ITGA6: variants seen among roughly 807,000 people sequenced by gnomAD.
The protein encoded by ITGA6 is integrin subunit alpha 6.
Under a neutral mutation model 133.6 loss-of-function variants are expected in ITGA6, and 63 were observed. The ratio of observed to expected loss-of-function variants is 0.47; its 90% CI spans 0.38 to 0.58. ITGA6 has a LOEUF of 0.58. ITGA6 is among the 20% of genes least tolerant of loss of function. The pLI, the probability that ITGA6 is intolerant of heterozygous loss-of-function variation, is 0.00. For synonymous variants in ITGA6, 434 were observed against 482.0 expected (o/e 0.90, Z 1.30); for missense variants, 1,068 against 1,309.4 (o/e 0.82, Z 2.85).
intron 1 of ITGA6, among the ~76,000 whole-genome samples, chr2:172,445,882 C>T (rs1684748919): frequency 6.6e-6 from 1 of 152,186 alleles, no homozygotes; most frequent in Non-Finnish European, 1.5e-5. Flanking sequence ...GCCAAAGGCA[C>T]ATGCATGCCA....
At chr2:172,436,946 A>T (rs1001295982) in intron 1 of ITGA6, among the ~76,000 whole-genome samples, 1 of 152,192 alleles carries the variant, frequency 6.6e-6, no homozygotes, top group Admixed American at 6.5e-5. Flanking sequence ...AAAAATATAA[A>T]GTAGAGAGGG....
chr2:172,497,344 A>C (rs1428575131), intron 23 of ITGA6, among the ~76,000 whole-genome samples: 1 of 152,040 alleles, frequency 6.6e-6, no homozygotes, highest in African/African-American at 2.4e-5. Flanking sequence ...AAATTTTTAA[A>C]AAAATTAGCT....
chr2:172,465,989 ATCT>A, intron 2 of ITGA6: 1 of 410,758 alleles, frequency 2.4e-6, no homozygotes, highest in Non-Finnish European at 4.6e-6. Context: ...GAATGAGCGT[ATCT>A]TGTATTCATC....
At chr2:172,450,300 G>C (rs1485244854) in intron 1 of ITGA6, among the ~76,000 whole-genome samples, 1 of 152,220 alleles carries the variant, frequency 6.6e-6, no homozygotes, top group African/African-American at 2.4e-5. Flanking sequence ...AGATGTGGAG[G>C]ACGGGCTCGG....
intron 11 of ITGA6, among the ~76,000 whole-genome samples, chr2:172,483,089 C>T (rs1359975041): frequency 5.3e-5 from 8 of 152,128 alleles, no homozygotes; most frequent in Admixed American, 4.6e-4. Flanking sequence ...ATGGAATACT[C>T]TAGGATCGCG....
chr2:172,489,702 GAGAAA>G, intron 20 of ITGA6, 44 bp downstream of exon 20: 1 of 1,526,316 alleles, frequency 6.6e-7, no homozygotes, highest in Non-Finnish European at 9.1e-7. Flanking sequence ...ATGCAAATTA[GAGAAA>G]CTAACTTGTT....
intron 9 of ITGA6, among the ~76,000 whole-genome samples, chr2:172,477,239 C>T (rs1005203788): frequency 3.3e-5 from 5 of 152,098 alleles, no homozygotes; most frequent in Non-Finnish European, 5.9e-5. Context: ...GATTCGGTTT[C>T]GCCAAGATGA....
chr2:172,473,682 T>C (rs947755746), intron 5 of ITGA6, among the ~76,000 whole-genome samples: 2 of 152,246 alleles, frequency 1.3e-5, no homozygotes, highest in Non-Finnish European at 2.9e-5. Context: ...GTGTATATGA[T>C]GTAACATAAC....
chr2:172,435,768 C>T (rs1488161120), intron 1 of ITGA6, among the ~76,000 whole-genome samples: 1 of 151,836 alleles, frequency 6.6e-6, no homozygotes, highest in East Asian at 1.9e-4. Context: ...GCTGGGACTG[C>T]AAGTGTGCAG....
intron 1 of ITGA6, among the ~76,000 whole-genome samples, chr2:172,436,399 G>C (rs1176722419): frequency 1.3e-5 from 2 of 152,186 alleles, no homozygotes; most frequent in Non-Finnish European, 2.9e-5. Context: ...TTTAGAAAGG[G>C]CTGCTACAGA....
At chr2:172,464,778 T>C (rs1413222071) in intron 1 of ITGA6, among the ~76,000 whole-genome samples, 1 of 152,170 alleles carries the variant, frequency 6.6e-6, no homozygotes, top group Admixed American at 6.5e-5. Flanking sequence ...ACACCAGTTG[T>C]CCCTGAATCC....
At chr2:172,480,998 A>G (rs1311997678) in intron 11 of ITGA6, 1 of 152,194 alleles carries the variant, frequency 6.6e-6, no homozygotes, top group Admixed American at 6.5e-5. Flanking sequence ...GGCCAGGGGC[A>G]TAGGAATTCC....
intron 5 of ITGA6, among the ~76,000 whole-genome samples, chr2:172,473,118 G>C (rs1389405498): frequency 1.3e-5 from 2 of 152,142 alleles, no homozygotes; most frequent in African/African-American, 2.4e-5. Flanking sequence ...TTCACAATTT[G>C]AGAACTGCAA....
At position 172,480,062 on chromosome 2, in the gene ITGA6, AGTAC is replaced by A. The variant is rs1686366410; in HGVS notation, c.1549+12_1549+15del. 1.4e-6 allele frequency: 2 copies of A among 1,446,936 alleles called. No individual in the cohort carries two copies. Among genetic ancestry groups the A allele is most frequent in the Non-Finnish European group, 1.9e-6 (2 of 1,027,790 alleles). 89.6% of individuals were successfully genotyped at this position (1,446,936 alleles called of 1,614,324 possible). On this transcript the variant is annotated intron_variant, in intron 11 of 25. Transcript: ENST00000684293. The stretch of plus-strand genomic sequence containing the variant: ...ATAATCCTTCAATATGTAAGTACCT[AGTAC>A]CTTTAAAATATGTCTACTTTCTGTC...
Position 172,491,297 on chromosome 2 carries a change from T to G in ITGA6, c.2855T>G (p.Leu952Trp). ...CTGGACAGCAAGGCGTCTCTTATTTTGCGCTCGAGGTTATGGAACAGCACA... is the reference window on the plus strand; with the variant it reads ...CTGGACAGCAAGGCGTCTCTTATTTGGCGCTCGAGGTTATGGAACAGCACA... Reference protein sequence around the residue: ...RGLDSKASLILRSRLWNSTFL... With the variant: ...RGLDSKASLIWRSRLWNSTFL... The change falls in exon 22 of 26, where the codon TTG (leucine) becomes TGG (tryptophan). Residue 952 changes from leucine to tryptophan, a missense_variant. Around this residue, in one of 3 missense-constraint regions of ITGA6, gnomAD observed 609 missense variants for 707.2 expected, o/e 0.86. Transcript: ENST00000684293. The surrounding 1 kb of genome is among the most constrained non-coding windows in gnomAD (Gnocchi z 4.4). 1 of 1,612,830 alleles carries G rather than the reference T, an allele frequency of 6.2e-7. No homozygotes were observed. Among genetic ancestry groups the G allele is most frequent in the East Asian group, 2.2e-5 (1 of 44,882 alleles).
chr2:172,466,492 C>T (rs1270959743), intron 2 of ITGA6, among the ~76,000 whole-genome samples: 8 of 152,040 alleles, frequency 5.3e-5, no homozygotes, highest in Admixed American at 1.3e-4. Context: ...TGGTGGTGTA[C>T]GCCTGTAGTC....
chr2:172,464,378 C>T, intron 1 of ITGA6: 1 of 152,350 alleles, frequency 6.6e-6, no homozygotes, highest in Non-Finnish European at 1.5e-5. Context: ...TTCTTGATGG[C>T]CAGGAGTGGC....
intron 24 of ITGA6, among the ~76,000 whole-genome samples, chr2:172,499,502 C>G (rs1414615935): frequency 6.6e-6 from 1 of 151,882 alleles, no homozygotes; most frequent in Non-Finnish European, 1.5e-5. Flanking sequence ...GTAGCTGGGA[C>G]TACGTGCCAC....
chr2:172,462,054 G>C (rs1315252687), intron 1 of ITGA6, among the ~76,000 whole-genome samples: 1 of 152,216 alleles, frequency 6.6e-6, no homozygotes, highest in Admixed American at 6.5e-5. Context: ...TCCCAAACCA[G>C]GGAGGGCAGC....
Sources: allele counts gnomAD v4.1 joint callset (sites outside exome capture counted in the v4.1 genomes callset), GRCh38; gene constraint gnomAD v4.1.1; regional missense constraint gnomAD v4.1.1; non-coding constraint Gnocchi (gnomAD v3.1); transcripts MANE v1.5; gene names NCBI Gene and HGNC (gene_info 2026-07-23, HGNC 2026-07-21).